CLSTN2: variants seen among roughly 807,000 people sequenced by gnomAD.
CLSTN2 encodes the protein calsyntenin 2, also known as calsyntenin-2.
A neutral mutation model predicts 101.2 loss-of-function variants in CLSTN2; 48 were observed. The ratio of observed to expected loss-of-function variants is 0.47; its 90% CI spans 0.38 to 0.60. The LOEUF is 0.60. Ranked by LOEUF, CLSTN2 falls within the 20% of genes least tolerant of loss-of-function variation. The probability of loss-of-function intolerance (pLI) is 0.00; values close to 1 mark genes in which losing one functional copy is unlikely to be tolerated. For synonymous variants in CLSTN2, 481 were observed against 463.6 expected (o/e 1.04, Z -0.48); for missense variants, 1,160 against 1,238.2 (o/e 0.94, Z 0.95).
intron 2 of CLSTN2, among the ~76,000 whole-genome samples, chr3:140,351,950 G>T (rs1479717169): frequency 6.6e-6 from 1 of 151,474 alleles, no homozygotes; most frequent in Non-Finnish European, 1.5e-5. Flanking sequence ...GACAAAACTG[G>T]AAAGTTAGAA....
Position 140,090,535 on chromosome 3 carries a change from T to C in CLSTN2, c.110-85416T>C, listed in dbSNP as rs78213687. Among the ~76,000 whole-genome samples the C allele has an allele frequency of 2.6e-4, 39 of 152,252 alleles. No homozygotes were observed. In the East Asian group the frequency reaches 7.4e-3, roughly 29 times the overall value. ...TAATGGATGGCCAAATGCAGGTCAG[T>C]TGCTTAATGCTGTCTAGTGTATGTC... On this transcript the variant is annotated intron_variant, in intron 1 of 16. Coordinates refer to ENST00000458420, the MANE Select transcript of CLSTN2 (RefSeq NM_022131.3).
chr3:140,299,578 C>T (rs1012264854), intron 2 of CLSTN2, among the ~76,000 whole-genome samples: 7 of 152,180 alleles, frequency 4.6e-5, no homozygotes, highest in South Asian at 2.1e-4. Context: ...TATCAGTCCT[C>T]ATCCTGTCTA....
chr3:140,225,078 T>C (rs72988174), intron 2 of CLSTN2, among the ~76,000 whole-genome samples: 1 of 152,206 alleles, frequency 6.6e-6, no homozygotes, highest in African/African-American at 2.4e-5. Context: ...CAACTCACAA[T>C]GGAGCATCAG....
intron 2 of CLSTN2, among the ~76,000 whole-genome samples, chr3:140,376,873 A>G (rs542163227): frequency 3.3e-5 from 5 of 152,304 alleles, no homozygotes; most frequent in African/African-American, 1.2e-4. Flanking sequence ...TAAAGTGAGC[A>G]AGAGCCATGT....
chr3:139,963,282 C>T (rs980281912), intron 1 of CLSTN2, among the ~76,000 whole-genome samples: 2 of 152,168 alleles, frequency 1.3e-5, no homozygotes, highest in African/African-American at 4.8e-5. Context: ...GAAGAGCAGT[C>T]TCAGGTGCTC....
intron 2 of CLSTN2, among the ~76,000 whole-genome samples, chr3:140,276,531 A>G (rs565717414): frequency 6.6e-6 from 1 of 152,226 alleles, no homozygotes; most frequent in East Asian, 1.9e-4. Context: ...TTAGAAGGTA[A>G]CCCCAGGAAG....
intron 2 of CLSTN2, among the ~76,000 whole-genome samples, chr3:140,385,804 T>C (rs1246471081): frequency 1.3e-5 from 2 of 152,136 alleles, no homozygotes; most frequent in African/African-American, 4.8e-5. Flanking sequence ...AATTACTCAC[T>C]GCACAAGGCC....
chr3:140,398,908 T>G (rs2088211531), intron 2 of CLSTN2, among the ~76,000 whole-genome samples: 1 of 152,210 alleles, frequency 6.6e-6, no homozygotes, highest in Non-Finnish European at 1.5e-5. Flanking sequence ...CAGGTAACTG[T>G]GAGATACCTG....
intron 9 of CLSTN2, among the ~76,000 whole-genome samples, chr3:140,544,042 G>T (rs1275556376): frequency 6.6e-6 from 1 of 152,188 alleles, no homozygotes; most frequent in African/African-American, 2.4e-5. Flanking sequence ...GGAGTGAGAT[G>T]GATATTGGAA....
intron 2 of CLSTN2, among the ~76,000 whole-genome samples, chr3:140,196,861 TC>T (rs2010649671): frequency 6.6e-6 from 1 of 152,234 alleles, no homozygotes; most frequent in Non-Finnish European, 1.5e-5. Flanking sequence ...ATTATTTCTC[TC>T]CTGCTCTTGC....
chr3:140,399,282 A>C (rs898539164), intron 2 of CLSTN2, among the ~76,000 whole-genome samples: 6 of 152,244 alleles, frequency 3.9e-5, no homozygotes, highest in African/African-American at 1.4e-4. Flanking sequence ...TGTTAGTATA[A>C]TAACAAATGC....
At chr3:140,532,636 G>A (rs1475111165) in intron 9 of CLSTN2, 150 bp downstream of exon 9, 2 of 558,872 alleles carry the variant, frequency 3.6e-6, no homozygotes, top group African/African-American at 3.7e-5. Flanking sequence ...ATAAAAATAA[G>A]TATAAATCTA....
At chr3:140,088,516 C>T (rs1345116208) in intron 1 of CLSTN2, among the ~76,000 whole-genome samples, 1 of 138,494 alleles carries the variant, frequency 7.2e-6, no homozygotes, top group Admixed American at 7.2e-5. Flanking sequence ...TTATGGCCAC[C>T]AAGTCTACAC....
intron 6 of CLSTN2, among the ~76,000 whole-genome samples, chr3:140,451,034 G>A (rs1933235560): frequency 6.6e-6 from 1 of 152,122 alleles, no homozygotes; most frequent in South Asian, 2.1e-4. Flanking sequence ...CTGCAGCAGA[G>A]AAGCCATCTA....
At chr3:140,035,619 T>G (rs1052574073) in intron 1 of CLSTN2, among the ~76,000 whole-genome samples, 1 of 152,192 alleles carries the variant, frequency 6.6e-6, no homozygotes, top group African/African-American at 2.4e-5. Flanking sequence ...ACCTGCCTCA[T>G]AGGGTTGTTT....
At chr3:140,504,283 G>GA (rs1323773716) in intron 8 of CLSTN2, among the ~76,000 whole-genome samples, 1 of 151,618 alleles carries the variant, frequency 6.6e-6, no homozygotes, top group East Asian at 1.9e-4. Flanking sequence ...GGTCCTTCTT[G>GA]AAAAATAGCA....
At chr3:140,431,271 A>G (rs1283770752) in intron 5 of CLSTN2, among the ~76,000 whole-genome samples, 1 of 152,212 alleles carries the variant, frequency 6.6e-6, no homozygotes, top group Non-Finnish European at 1.5e-5. Context: ...TCTTTCAGAT[A>G]CTACTTGCCT....
intron 1 of CLSTN2, among the ~76,000 whole-genome samples, chr3:139,995,352 C>T (rs938706331): frequency 6.6e-6 from 1 of 152,198 alleles, no homozygotes; most frequent in African/African-American, 2.4e-5. Context: ...GTTAAATACG[C>T]TATTGTCTAT....
At chr3:139,942,718 T>C (rs1050364762) in intron 1 of CLSTN2, among the ~76,000 whole-genome samples, 1 of 152,116 alleles carries the variant, frequency 6.6e-6, no homozygotes, top group African/African-American at 2.4e-5. Context: ...TTACAGGGCA[T>C]ATAGCAGCAG....
Sources: allele counts gnomAD v4.1 joint callset (sites outside exome capture counted in the v4.1 genomes callset), GRCh38; gene constraint gnomAD v4.1.1; transcripts MANE v1.5; gene names NCBI Gene and HGNC (gene_info 2026-07-23, HGNC 2026-07-21).